The following MOXD1 variants were observed in gnomAD, a reference collection of about 807,000 sequenced individuals.
The protein encoded by MOXD1 is monooxygenase DBH like 1.
MOXD1 carries 62 observed loss-of-function variants against 66.6 expected under a neutral mutation model. The observed-to-expected ratio is 0.93, with a 90% CI of 0.76 to 1.15. The LOEUF (loss-of-function observed/expected upper bound fraction) is 1.15, where lower values mean the gene tolerates loss of function less well. MOXD1 is among the 50% of genes most tolerant of loss of function. The pLI, the probability that MOXD1 is intolerant of heterozygous loss-of-function variation, is 0.00. For synonymous variants in MOXD1, 303 were observed against 281.9 expected (o/e 1.07, Z -0.75); for missense variants, 847 against 754.6 (o/e 1.12, Z -1.44).
chr6:132,307,265 A>T (rs1774715856), intron 10 of MOXD1, among the ~76,000 whole-genome samples: 1 of 152,216 alleles, frequency 6.6e-6, no homozygotes. Context: ...ATCAAAAAAG[A>T]CAAAGAATGG....
chr6:132,384,232 C>T (rs1776569744), intron 1 of MOXD1, among the ~76,000 whole-genome samples: 1 of 119,382 alleles, frequency 8.4e-6, no homozygotes, highest in Non-Finnish European at 1.8e-5. Flanking sequence ...CTTCCTTCCT[C>T]CCTCCCTCTC....
chr6:132,349,097 G>A (rs1775729987), intron 4 of MOXD1, among the ~76,000 whole-genome samples: 2 of 151,678 alleles, frequency 1.3e-5, no homozygotes, highest in South Asian at 4.2e-4. Context: ...AGTATACACT[G>A]CACCTTATTT....
chr6:132,372,826 T>G lies in MOXD1; in HGVS notation c.579+4A>C. ...CTACAATCATAAAACCTGAAAACAC[T>G]TACGTCCTGATTTACCAGATCAAAG... On this transcript the variant is annotated splice_donor_region_variant and intron_variant, in intron 3 of 11. Transcript: ENST00000367963. 6.2e-7 allele frequency: 1 copy of G among 1,613,570 alleles called. No homozygotes were observed. Among genetic ancestry groups the G allele is most frequent in the Non-Finnish European group, 8.5e-7 (1 of 1,179,640 alleles).
At chr6:132,331,267 A>G (rs373564825) in intron 4 of MOXD1, among the ~76,000 whole-genome samples, 7 of 152,302 alleles carry the variant, frequency 4.6e-5, no homozygotes, top group Admixed American at 3.3e-4. Flanking sequence ...TTTGCTAAAT[A>G]CCTCATAAAT....
At chr6:132,357,270 T>A (rs1322675699) in intron 4 of MOXD1, among the ~76,000 whole-genome samples, 1 of 152,110 alleles carries the variant, frequency 6.6e-6, no homozygotes, top group Non-Finnish European at 1.5e-5. Flanking sequence ...GAACTAACAA[T>A]CTTTTGGAAA....
intron 4 of MOXD1, among the ~76,000 whole-genome samples, chr6:132,359,097 T>C (rs1775962417): frequency 6.6e-6 from 1 of 151,470 alleles, no homozygotes; most frequent in Non-Finnish European, 1.5e-5. Context: ...GCCATCGTCC[T>C]CTTAGGAACT....
intron 10 of MOXD1, among the ~76,000 whole-genome samples, chr6:132,302,369 A>G (rs1180264782): frequency 1.3e-5 from 2 of 152,182 alleles, no homozygotes; most frequent in Non-Finnish European, 2.9e-5. Flanking sequence ...TATTAAACAC[A>G]TCAACAAGTA....
rs183217936 is a variant in MOXD1, at chr6:132,314,416, C to T, written c.1508+1219G>A. The stretch of plus-strand genomic sequence containing the variant: ...CTAGAGTCCTTTCCCAGTATAGTAG[C>T]CAAATTGACTTTATTTATATCCTTT... On this transcript the variant is annotated intron_variant, in intron 10 of 11. Transcript: ENST00000367963. 1.7e-3 allele frequency among the ~76,000 whole-genome samples: 263 copies of T among 152,330 alleles called. 3 individuals are homozygous for T. Among genetic ancestry groups the T allele is most frequent in the Admixed American group, 0.016 (243 of 15,302 alleles).
intron 1 of MOXD1, among the ~76,000 whole-genome samples, chr6:132,396,843 T>A (rs1249446062): frequency 6.6e-6 from 1 of 152,158 alleles, no homozygotes; most frequent in Admixed American, 6.5e-5. Context: ...AAAACCTGAA[T>A]AGACCAACAA....
At chr6:132,319,639 C>A (rs1775032946) in intron 9 of MOXD1, among the ~76,000 whole-genome samples, 1 of 151,540 alleles carries the variant, frequency 6.6e-6, no homozygotes, top group Non-Finnish European at 1.5e-5. Context: ...TCACTTCTTT[C>A]TTTCTGATCC....
chr6:132,384,269 C>CCTCCTTCCTTCCTCCCTCCCTCT (rs1776575891), intron 1 of MOXD1, among the ~76,000 whole-genome samples: 1 of 121,778 alleles, frequency 8.2e-6, no homozygotes, highest in East Asian at 4.6e-4. Flanking sequence ...TTCCTTCCTT[C>CCTCCTTCCTTCCTCCCTCCCTCT]CTTCCTTCCT....
intron 1 of MOXD1, among the ~76,000 whole-genome samples, chr6:132,394,394 A>G (rs1458262656): frequency 6.6e-6 from 1 of 152,190 alleles, no homozygotes; most frequent in Non-Finnish European, 1.5e-5. Context: ...AGGACACAAG[A>G]AGCATGAAAA....
At chr6:132,383,929 T>G (rs1234422160) in intron 1 of MOXD1, among the ~76,000 whole-genome samples, 1 of 151,830 alleles carries the variant, frequency 6.6e-6, no homozygotes, top group Non-Finnish European at 1.5e-5. Flanking sequence ...AATTAGCCGG[T>G]TGTGGTGGCT....
At position 132,388,164 on chromosome 6, in the gene MOXD1, T is replaced by G. The variant is rs759738020; in HGVS notation, c.264+12999A>C. Among the ~76,000 whole-genome samples the G allele has an allele frequency of 1.3e-4, 19 of 151,558 alleles. 1 individual carries two copies. The highest frequency in any genetic ancestry group is 2.7e-4 in the Non-Finnish European group (18 of 67,764). ...TCTTCTGACCATCGTCTCATTACAC[T>G]AAGCGATTGATTCATTATATCTTGT... On this transcript the variant is annotated intron_variant, in intron 1 of 11. Transcript: ENST00000367963.
chr6:132,350,053 A>G (rs1775772867), intron 4 of MOXD1, among the ~76,000 whole-genome samples: 1 of 151,890 alleles, frequency 6.6e-6, no homozygotes, highest in Non-Finnish European at 1.5e-5. Context: ...GATTGTGAAA[A>G]TTTTCCCCCA....
chr6:132,386,095 T>G (rs1325997897), intron 1 of MOXD1, among the ~76,000 whole-genome samples: 3 of 120,336 alleles, frequency 2.5e-5, no homozygotes, highest in African/African-American at 6.9e-5. Flanking sequence ...AGGGCAAGAC[T>G]GCGTCTCAAA....
intron 1 of MOXD1, among the ~76,000 whole-genome samples, chr6:132,383,840 C>T (rs1471245936): frequency 6.6e-6 from 1 of 152,082 alleles, no homozygotes; most frequent in Non-Finnish European, 1.5e-5. Flanking sequence ...GAGGCCAAGG[C>T]GGGCAGATCA....
intron 10 of MOXD1, among the ~76,000 whole-genome samples, chr6:132,314,526 G>A (rs1340500965): frequency 1.3e-5 from 2 of 152,176 alleles, no homozygotes; most frequent in Non-Finnish European, 1.5e-5. Flanking sequence ...GCTCTCATGT[G>A]TCCTCACTTA....
At position 132,386,436 on chromosome 6, in the gene MOXD1, A is replaced by C. The variant is rs1190415908; in HGVS notation, c.265-11659T>G. 1.4e-5 allele frequency among the ~76,000 whole-genome samples: 2 copies of C among 143,154 alleles called. 1 individual carries two copies. Among genetic ancestry groups the C allele is most frequent in the Non-Finnish European group, 3.0e-5 (2 of 66,900 alleles). The allele number at this position is 143,154 out of a possible 152,430, so 93.9% of individuals were successfully genotyped here. ...AACAAAACAAAACAAAACAAAACAA[A>C]AAAAAAAAACAAAAAAAAAACGGGA... is the stretch of plus-strand genomic sequence containing the variant. On this transcript the variant is annotated intron_variant, in intron 1 of 11. Coordinates refer to ENST00000367963, the MANE Select transcript of MOXD1 (RefSeq NM_015529.4).
Sources: gnomAD v4.1 joint callset for allele counts (sites outside exome capture counted in the v4.1 genomes callset) on GRCh38, gnomAD v4.1.1 for gene constraint, MANE v1.5 for transcripts, NCBI Gene and HGNC (gene_info 2026-07-23, HGNC 2026-07-21) for gene names.